ZFYVE9: variants seen among roughly 807,000 people sequenced by gnomAD.
ZFYVE9 encodes zinc finger FYVE-type containing 9, also known as zinc finger FYVE domain-containing protein 9.
In ZFYVE9, 43 loss-of-function variants were observed where a neutral mutation model predicts 126.7. That is an observed-to-expected ratio of 0.34 (90% CI 0.27 to 0.44). The LOEUF (loss-of-function observed/expected upper bound fraction) is 0.44, where lower values mean the gene tolerates loss of function less well. Ranked by LOEUF, ZFYVE9 falls within the 20% of genes least tolerant of loss-of-function variation. The pLI is 1.00. For missense variants in ZFYVE9, 1,476 were observed against 1,697.0 expected, an observed-to-expected ratio of 0.87 and a Z score of 2.29; for synonymous variants, 521 against 597.4, an observed-to-expected ratio of 0.87 and a Z score of 1.87.
chr1:52,294,297 C>G (rs1304413221), intron 11 of ZFYVE9, among the ~76,000 whole-genome samples: 1 of 152,198 alleles, frequency 6.6e-6, no homozygotes, highest in Non-Finnish European at 1.5e-5. Context: ...GCAAGTCACC[C>G]AAGTTCTCTG....
intron 13 of ZFYVE9, among the ~76,000 whole-genome samples, chr1:52,332,207 T>C (rs1184039315): frequency 6.6e-6 from 1 of 152,132 alleles, no homozygotes; most frequent in Non-Finnish European, 1.5e-5. Flanking sequence ...ATTTTTTTTT[T>C]TTTGGATTAG....
intron 2 of ZFYVE9, among the ~76,000 whole-genome samples, chr1:52,220,442 A>G (rs753099241): frequency 1.2e-4 from 18 of 152,336 alleles, no homozygotes; most frequent in Admixed American, 7.2e-4. Flanking sequence ...TACTATGACT[A>G]GTAAATACTT....
intron 6 of ZFYVE9, among the ~76,000 whole-genome samples, chr1:52,267,627 C>T (rs1245164652): frequency 1.3e-5 from 2 of 152,108 alleles, no homozygotes; most frequent in Non-Finnish European, 2.9e-5. Context: ...CTTCTATTGA[C>T]ATTATCATAC....
intron 2 of ZFYVE9, among the ~76,000 whole-genome samples, chr1:52,231,422 G>T (rs976898926): frequency 1.3e-5 from 2 of 151,888 alleles, no homozygotes; most frequent in African/African-American, 2.4e-5. Flanking sequence ...GGAGGGTGAG[G>T]CAGGAGAATC....
At chr1:52,246,612 A>C (rs768190144) in intron 4 of ZFYVE9, among the ~76,000 whole-genome samples, 1 of 150,650 alleles carries the variant, frequency 6.6e-6, no homozygotes, top group Non-Finnish European at 1.5e-5. Flanking sequence ...GCTCACTGCA[A>C]CCTTGACCTT....
rs921930195 is a variant in ZFYVE9, at chr1:52,346,216, G to A, written c.4273G>A (p.Val1425Ile). Reference sequence around the variant, plus strand: ...CATCTTTTATATTCTGGAAAACATCGTATAAACAGAGAAGACTTCATTTTT... The same window carrying A: ...CATCTTTTATATTCTGGAAAACATCATATAAACAGAGAAGACTTCATTTTT... ...ELIFYILENI[V>I] Residue 1425 changes from valine to isoleucine, a missense_variant, in exon 19 of 19, where the codon GTA (valine) becomes ATA (isoleucine). Coordinates refer to ENST00000287727, the MANE Select transcript of ZFYVE9 (RefSeq NM_004799.4). 5.0e-6 allele frequency: 8 copies of A among 1,586,360 alleles called. No individual in the cohort carries two copies. The highest frequency in any genetic ancestry group is 2.3e-5 in the East Asian group (1 of 44,256).
In ZFYVE9 at chr1:52,263,763, C is replaced by T. The variant is rs377487057; in HGVS notation, c.2179-10C>T. The T allele has an allele frequency of 6.1e-5, 61 of 995,200 alleles. 12 individuals are homozygous for T. The highest frequency in any genetic ancestry group is 1.1e-4 in the South Asian group (6 of 57,026). 61.6% of individuals were successfully genotyped at this position (995,200 alleles called of 1,614,324 possible). On this transcript the variant is annotated splice_polypyrimidine_tract_variant and intron_variant, in intron 4 of 18. Transcript: ENST00000287727. The stretch of plus-strand genomic sequence containing the variant: ...AATTTTGTGTGTTCTTCCCCCCCCC[C>T]CCCCCACAGGTTTTCTGTGCTTCCT...
intron 1 of ZFYVE9, among the ~76,000 whole-genome samples, chr1:52,164,415 C>T (rs1157759920): frequency 2.6e-5 from 4 of 151,984 alleles, no homozygotes; most frequent in Non-Finnish European, 5.9e-5. Flanking sequence ...GCTTTTAACA[C>T]GTTGGCCAGT....
chr1:52,322,858 G>T (rs954206724), intron 13 of ZFYVE9, among the ~76,000 whole-genome samples: 27 of 152,130 alleles, frequency 1.8e-4, no homozygotes, highest in Admixed American at 9.8e-4. Context: ...AGGCTGGAGT[G>T]CAGTGGCGCG....
intron 13 of ZFYVE9, among the ~76,000 whole-genome samples, chr1:52,323,392 A>G (rs1469889214): frequency 3.3e-5 from 5 of 152,052 alleles, no homozygotes; most frequent in African/African-American, 9.7e-5. Flanking sequence ...TATGTATTTT[A>G]CTTATTTGTT....
chr1:52,229,522 G>C (rs1166410341), intron 2 of ZFYVE9, among the ~76,000 whole-genome samples: 2 of 152,154 alleles, frequency 1.3e-5, no homozygotes, highest in Non-Finnish European at 2.9e-5. Flanking sequence ...ATCCATTTTT[G>C]ATGCTTGTTT....
Position 52,278,557 on chromosome 1 carries a change from G to A in ZFYVE9, c.2812G>A (p.Asp938Asn). The A allele has an allele frequency of 6.2e-7, 1 of 1,610,140 alleles. No individual in the cohort carries two copies. ...GCAGCAGTTGGAGGATGGTGGCCCT[G>A]ACCCACTTGTATTTGTTTTAAATGC... ...VMQQLEDGGP[D>N]PLVFVLNANL... The change falls in exon 9 of 19, where the codon GAC becomes AAC. Residue 938 changes from aspartate (D) to asparagine (N), a missense_variant. Physicochemically the swap from Asp to Asn is conservative, Grantham distance 23. Around this residue, in one of 2 missense-constraint regions of ZFYVE9, gnomAD observed 669 missense variants for 902.4 expected, o/e 0.74. Coordinates refer to ENST00000287727, the MANE Select transcript of ZFYVE9 (RefSeq NM_004799.4).
At chr1:52,147,167 G>A (rs1644313327) in intron 1 of ZFYVE9, among the ~76,000 whole-genome samples, 1 of 152,020 alleles carries the variant, frequency 6.6e-6, no homozygotes, top group African/African-American at 2.4e-5. Context: ...AAATGCTTCT[G>A]GTTCCAAGTA....
chr1:52,332,615 CA>C (rs531630574), intron 13 of ZFYVE9, among the ~76,000 whole-genome samples, 152 bp from the exon 14 acceptor site: 80 of 152,270 alleles, frequency 5.3e-4, no homozygotes, highest in South Asian at 1.5e-3. Context: ...TTAATGGTGA[CA>C]TTTTTTTACT....
intron 1 of ZFYVE9, among the ~76,000 whole-genome samples, chr1:52,206,646 G>T (rs1218772416): frequency 6.6e-6 from 1 of 152,104 alleles, no homozygotes; most frequent in Non-Finnish European, 1.5e-5. Context: ...CACCTCCCAG[G>T]TTCAAGCATT....
chr1:52,255,748 C>G (rs113421700), intron 4 of ZFYVE9, among the ~76,000 whole-genome samples: 5,525 of 151,880 alleles, frequency 0.036, 250 homozygotes, highest in African/African-American at 0.11. Flanking sequence ...CTAAAATTAG[C>G]TGGGTATTGC....
At chr1:52,155,701 G>T (rs755101194) in intron 1 of ZFYVE9, among the ~76,000 whole-genome samples, 8 of 152,188 alleles carry the variant, frequency 5.3e-5, no homozygotes, top group African/African-American at 1.9e-4. Flanking sequence ...CAGAGTTGTT[G>T]CCCCTACTCA....
chr1:52,202,183 T>C (rs1402279618), intron 1 of ZFYVE9, among the ~76,000 whole-genome samples: 3 of 152,200 alleles, frequency 2.0e-5, no homozygotes, highest in Non-Finnish European at 1.5e-5. Flanking sequence ...TTCCTGCTTA[T>C]ATGGTTTCTT....
At chr1:52,225,160 A>G (rs1192078794) in intron 2 of ZFYVE9, among the ~76,000 whole-genome samples, 2 of 152,184 alleles carry the variant, frequency 1.3e-5, no homozygotes, top group Non-Finnish European at 2.9e-5. Flanking sequence ...ACCTTGGTCT[A>G]TGCACAGAGT....
Sources: gnomAD v4.1 joint callset for allele counts (sites outside exome capture counted in the v4.1 genomes callset) on GRCh38, gnomAD v4.1.1 for gene constraint, gnomAD v4.1.1 regional missense constraint, MANE v1.5 for transcripts, NCBI Gene and HGNC (gene_info 2026-07-23, HGNC 2026-07-21) for gene names.